DAAM1: variants seen among roughly 807,000 people sequenced by gnomAD.
The protein encoded by DAAM1 is disheveled-associated activator of morphogenesis 1.
DAAM1 carries 52 observed loss-of-function variants against 130.0 expected under a neutral mutation model. The ratio of observed to expected loss-of-function variants is 0.40; its 90% confidence interval spans 0.32 to 0.50. DAAM1 has a LOEUF of 0.50. Ranked by LOEUF, DAAM1 falls within the 20% of genes least tolerant of loss-of-function variation. The probability of loss-of-function intolerance (pLI) is 0.61; values close to 1 mark genes in which losing one functional copy is unlikely to be tolerated. For missense variants in DAAM1, 1,134 were observed against 1,303.8 expected (o/e 0.87, Z 2.01); for synonymous variants, 452 against 444.5 (o/e 1.02, Z -0.21).
chr14:59,263,353 C>T (rs767525666), intron 1 of DAAM1, 88 bp from the exon 2 acceptor site: 27 of 1,161,106 alleles, frequency 2.3e-5, no homozygotes, highest in African/African-American at 9.3e-5. Flanking sequence ...CGTCAGCACA[C>T]GGAGCTCTTT....
chr14:59,322,908 A>G lies in DAAM1; in HGVS notation c.457A>G (p.Ile153Val), dbSNP rs1485972761. The G allele has an allele frequency of 6.2e-7, 1 of 1,610,410 alleles. No homozygotes were observed. The highest frequency in any genetic ancestry group is 2.2e-5 in the East Asian group (1 of 44,788). ...TKPMRFVTRF[I>V]DLDGLSCILN... ...TCATGACAGGTTTGTAACCAGATTC[A>G]TCGACTTGGATGGCCTATCATGTAT... Residue 153 changes from isoleucine to valine, a missense_variant, in exon 6 of 25, where the codon ATC becomes GTC. Physicochemically the swap from Ile to Val is conservative, Grantham distance 29 (BLOSUM62 3). This residue lies in a region of DAAM1 where 391 missense variants were observed against 521.6 expected (regional missense o/e 0.75). Coordinates refer to ENST00000360909, the MANE Select transcript of DAAM1 (RefSeq NM_001270520.2).
chr14:59,340,214 G>A (rs771114906), intron 16 of DAAM1, 34 bp downstream of exon 16: 1 of 1,589,480 alleles, frequency 6.3e-7, no homozygotes, highest in Non-Finnish European at 8.6e-7. Context: ...TTTCTAGTAG[G>A]ACCAACATTT....
intron 2 of DAAM1, among the ~76,000 whole-genome samples, chr14:59,278,710 C>T (rs1048228598): frequency 6.6e-6 from 1 of 151,978 alleles, no homozygotes; most frequent in Admixed American, 6.6e-5. Flanking sequence ...TGTTGCTTGG[C>T]CTAAATGGAA....
Position 59,368,865 on chromosome 14 carries a change from C to T in DAAM1, c.*6C>T. 3.1e-6 allele frequency: 5 copies of T among 1,612,366 alleles called. No individual in the cohort carries two copies. Among genetic ancestry groups the T allele is most frequent in the Non-Finnish European group, 4.2e-6 (5 of 1,179,004 alleles). ...TCACAAAACTTAATTTCTAATTTTC[C>T]ATGAATACTTTTTTTTAGAAAGCTC... On this transcript the variant is annotated 3_prime_UTR_variant, in exon 25 of 25. Coordinates refer to ENST00000360909, the MANE Select transcript of DAAM1 (RefSeq NM_001270520.2).
At chr14:59,352,726 C>A in intron 18 of DAAM1, 94 bp downstream of exon 18, 1 of 1,079,926 alleles carries the variant, frequency 9.3e-7, no homozygotes, top group Non-Finnish European at 1.3e-6. Flanking sequence ...GGCCAATTAA[C>A]CTGGCTTAAC....
At chr14:59,245,035 C>T (rs191408462) in intron 1 of DAAM1, among the ~76,000 whole-genome samples, 6 of 152,006 alleles carry the variant, frequency 3.9e-5, no homozygotes, top group Non-Finnish European at 8.8e-5. Context: ...AACTGATGAT[C>T]TCAGGGAAGG....
At chr14:59,360,759 G>T in intron 21 of DAAM1, 43 bp from the exon 22 acceptor site, 1 of 1,570,470 alleles carries the variant, frequency 6.4e-7, no homozygotes, top group Non-Finnish European at 8.7e-7. Flanking sequence ...TTTAATATGT[G>T]TAAGTCACAT....
At chr14:59,233,456 C>G (rs1018670945) in intron 1 of DAAM1, among the ~76,000 whole-genome samples, 4 of 152,144 alleles carry the variant, frequency 2.6e-5, no homozygotes, top group African/African-American at 2.4e-5. Flanking sequence ...AGTGTCTGTT[C>G]ATATCCTTTG....
At chr14:59,212,401 C>A (rs1888453004) in intron 1 of DAAM1, among the ~76,000 whole-genome samples, 1 of 152,166 alleles carries the variant, frequency 6.6e-6, no homozygotes, top group African/African-American at 2.4e-5. Context: ...TTTTGAAGCA[C>A]ATATTATGGC....
intron 1 of DAAM1, among the ~76,000 whole-genome samples, chr14:59,191,168 T>C (rs1887718661): frequency 6.6e-6 from 1 of 152,212 alleles, no homozygotes; most frequent in African/African-American, 2.4e-5. Context: ...TGTGTATCCA[T>C]AGTCAGGTAA....
In DAAM1 at chr14:59,206,166, C is replaced by T. The variant is rs374536164; in HGVS notation, c.-38+17398C>T. ...TACTGCACCTGGCCCTCAAAGTGTTCTAAACTATGTGCAAATGGAGAACCT... is the reference window on the plus strand; with the variant it reads ...TACTGCACCTGGCCCTCAAAGTGTTTTAAACTATGTGCAAATGGAGAACCT... On this transcript the variant is annotated intron_variant, in intron 1 of 24. Transcript: ENST00000360909. 3.5e-4 allele frequency among the ~76,000 whole-genome samples: 54 copies of T among 152,214 alleles called. 2 individuals are homozygous for T. The highest frequency in any genetic ancestry group is 1.6e-3 in the Admixed American group (24 of 15,284).
At chr14:59,238,346 C>T (rs187423547) in intron 1 of DAAM1, among the ~76,000 whole-genome samples, 1 of 152,252 alleles carries the variant, frequency 6.6e-6, no homozygotes, top group African/African-American at 2.4e-5. Flanking sequence ...TGGAAGTGCC[C>T]TTATGTCCTC....
chr14:59,196,013 TGTAA>T (rs1887878795), intron 1 of DAAM1, among the ~76,000 whole-genome samples: 1 of 152,150 alleles, frequency 6.6e-6, no homozygotes, highest in East Asian at 1.9e-4. Context: ...AGGAAAACCC[TGTAA>T]GTGAGAGGCA....
chr14:59,284,925 A>G (rs575081111), intron 2 of DAAM1, among the ~76,000 whole-genome samples: 2 of 152,274 alleles, frequency 1.3e-5, no homozygotes, highest in South Asian at 4.1e-4. Context: ...GTCTCACTAG[A>G]GGGGTTGACG....
chr14:59,197,268 G>A (rs931152216), intron 1 of DAAM1, among the ~76,000 whole-genome samples: 2 of 152,198 alleles, frequency 1.3e-5, no homozygotes, highest in Non-Finnish European at 1.5e-5. Context: ...GCTGCTATTT[G>A]ATTTAGGCTG....
rs569365656 is a variant in DAAM1, at chr14:59,206,090, G to A, written c.-38+17322G>A. On this transcript the variant is annotated intron_variant, in intron 1 of 24. Coordinates refer to ENST00000360909, the MANE Select transcript of DAAM1 (RefSeq NM_001270520.2). The stretch of plus-strand genomic sequence containing the variant: ...GCTGGTCTCGAACTCCTGGGCTCAA[G>A]CAATTCTCCCACCGTGGCCTCCCAA... Among the ~76,000 whole-genome samples, 10 of 152,098 alleles carry A rather than the reference G, an allele frequency of 6.6e-5. No homozygotes were observed. The South Asian group carries it at 1.9e-3, about 28-fold the overall frequency.
chr14:59,298,699 T>C (rs1199927789), intron 3 of DAAM1, among the ~76,000 whole-genome samples: 1 of 152,200 alleles, frequency 6.6e-6, no homozygotes, highest in African/African-American at 2.4e-5. Flanking sequence ...CAAATCAATG[T>C]TAGGTTATAG....
At chr14:59,250,134 C>T (rs552602993) in intron 1 of DAAM1, among the ~76,000 whole-genome samples, 35 of 152,322 alleles carry the variant, frequency 2.3e-4, no homozygotes, top group African/African-American at 7.9e-4. Context: ...TCTCTTCTAA[C>T]TGGCCCTGAG....
chr14:59,312,351 A>G (rs1327578084), intron 3 of DAAM1, among the ~76,000 whole-genome samples: 1 of 152,200 alleles, frequency 6.6e-6, no homozygotes, highest in Non-Finnish European at 1.5e-5. Context: ...CAACTTTTTA[A>G]GTTCTCACAA....
Sources: allele counts gnomAD v4.1 joint callset (sites outside exome capture counted in the v4.1 genomes callset), GRCh38; gene constraint gnomAD v4.1.1; regional missense constraint gnomAD v4.1.1; transcripts MANE v1.5; gene names NCBI Gene and HGNC (gene_info 2026-07-23, HGNC 2026-07-21).